The following CCDC3 variants were observed in gnomAD, a reference collection of about 807,000 sequenced individuals.
CCDC3 encodes coiled-coil domain containing 3.
A neutral mutation model predicts 21.4 loss-of-function variants in CCDC3; 24 were observed. The ratio of observed to expected loss-of-function variants is 1.12; its 90% CI spans 0.81 to 1.58. The LOEUF (loss-of-function observed/expected upper bound fraction) is 1.58. Ranked by LOEUF, CCDC3 falls within the 40% of genes most tolerant of loss-of-function variation. The pLI is 0.00. For missense variants in CCDC3, 425 were observed against 360.9 expected (o/e 1.18, Z -1.44); for synonymous variants, 186 against 166.0 (o/e 1.12, Z -0.93).
chr10:13,091,468 T>A (rs1832570193), intron 3 of CCDC3, among the ~76,000 whole-genome samples: 1 of 152,200 alleles, frequency 6.6e-6, no homozygotes, highest in Non-Finnish European at 1.5e-5. Flanking sequence ...ACACTGCCAG[T>A]GCCTTGATCT....
intron 3 of CCDC3, among the ~76,000 whole-genome samples, chr10:13,086,437 T>G (rs1837106545): frequency 6.6e-6 from 1 of 152,220 alleles, no homozygotes; most frequent in Admixed American, 6.5e-5. Flanking sequence ...TGAATAAAAC[T>G]CTGAATCCTC....
chr10:12,918,448 A>G (rs1296248037), intron 2 of CCDC3, among the ~76,000 whole-genome samples: 1 of 152,226 alleles, frequency 6.6e-6, no homozygotes, highest in Non-Finnish European at 1.5e-5. Flanking sequence ...TTCTATGCCC[A>G]TTATTTTTCC....
chr10:13,038,139 T>C (rs185523551), intron 5 of CCDC3, among the ~76,000 whole-genome samples: 1 of 152,018 alleles, frequency 6.6e-6, no homozygotes, highest in East Asian at 1.9e-4. Context: ...TTCTCACTTA[T>C]AAATAGAGCT....
At chr10:12,901,010 G>A (rs561749874) in intron 2 of CCDC3, among the ~76,000 whole-genome samples, 1 of 152,260 alleles carries the variant, frequency 6.6e-6, no homozygotes, top group East Asian at 1.9e-4. Context: ...ACTGCCCAAG[G>A]TCACGCCCCC....
At chr10:12,940,052 T>C (rs2131237003) in intron 2 of CCDC3, among the ~76,000 whole-genome samples, 1 of 152,326 alleles carries the variant, frequency 6.6e-6, no homozygotes, top group East Asian at 1.9e-4. Context: ...TGTGTTAATA[T>C]ATCTGACCTA....
intron 2 of CCDC3, among the ~76,000 whole-genome samples, chr10:12,986,787 AAAAAAC>A (rs1370289568): frequency 1.3e-5 from 2 of 151,710 alleles, no homozygotes; most frequent in African/African-American, 2.4e-5. Context: ...AAAAAAAACA[AAAAAAC>A]AAAAACAAAA....
In CCDC3 at chr10:12,982,150, A is replaced by T. The variant is rs567004406; in HGVS notation, c.549+16188T>A. Among the ~76,000 whole-genome samples, 1,141 of 146,122 alleles carry T rather than the reference A, an allele frequency of 7.8e-3. 15 individuals are homozygous for T. The highest frequency in any genetic ancestry group is 0.014 in the Middle Eastern group (4 of 282). ...AAAAAAAAAAAAAAAAAAAAAAAAA[A>T]AGTGAGCTACCACCAATCAAAATCA... On this transcript the variant is annotated intron_variant, in intron 2 of 2. Transcript: ENST00000378825.
intron 2 of CCDC3, among the ~76,000 whole-genome samples, chr10:12,944,008 C>T (rs1351999680): frequency 3.3e-5 from 5 of 152,186 alleles, no homozygotes; most frequent in East Asian, 1.9e-4. Flanking sequence ...GACATACAAC[C>T]GACCAGTGTT....
At chr10:12,999,103 G>A (rs771325312) in intron 1 of CCDC3, among the ~76,000 whole-genome samples, 8 of 152,110 alleles carry the variant, frequency 5.3e-5, no homozygotes, top group East Asian at 3.9e-4. Flanking sequence ...AGCTGGGCAC[G>A]GTGGCACACA....
At chr10:13,032,994 T>C (rs1230473603) in intron 5 of CCDC3, among the ~76,000 whole-genome samples, 4 of 152,180 alleles carry the variant, frequency 2.6e-5, no homozygotes, top group African/African-American at 4.8e-5. Context: ...AAAACTACTT[T>C]AAAGTTCATA....
At chr10:12,921,975 C>T (rs1394172664) in intron 2 of CCDC3, among the ~76,000 whole-genome samples, 1 of 152,216 alleles carries the variant, frequency 6.6e-6, no homozygotes, top group Non-Finnish European at 1.5e-5. Context: ...CTCAACTCTC[C>T]TACTTCAGCC....
chr10:12,948,796 A>G (rs1834964684), intron 2 of CCDC3, among the ~76,000 whole-genome samples: 1 of 123,674 alleles, frequency 8.1e-6, no homozygotes, highest in Non-Finnish European at 1.6e-5. Flanking sequence ...GCAGTGGCCT[A>G]TCTCGGCTCA....
intron 4 of CCDC3, among the ~76,000 whole-genome samples, chr10:13,051,800 G>C (rs1438566495): frequency 6.6e-6 from 1 of 152,116 alleles, no homozygotes; most frequent in Non-Finnish European, 1.5e-5. Flanking sequence ...CATGGAGGGT[G>C]GTGGGAGCAT....
intron 2 of CCDC3, among the ~76,000 whole-genome samples, chr10:12,982,235 G>C (rs970624539): frequency 3.4e-5 from 5 of 149,238 alleles, no homozygotes; most frequent in African/African-American, 2.5e-5. Context: ...TAAGTGAAAT[G>C]AGCCAGTCAT....
intron 2 of CCDC3, among the ~76,000 whole-genome samples, chr10:12,925,453 C>T (rs1333441165): frequency 6.6e-6 from 1 of 152,240 alleles, no homozygotes; most frequent in Admixed American, 6.5e-5. Context: ...AGTAACCTCT[C>T]CCCCAGCGAA....
chr10:12,909,616 G>T (rs563072154), intron 2 of CCDC3, among the ~76,000 whole-genome samples: 1 of 152,310 alleles, frequency 6.6e-6, no homozygotes, highest in Non-Finnish European at 1.5e-5. Context: ...GTGCCGGAAG[G>T]GCTCTGAAGT....
intron 2 of CCDC3, among the ~76,000 whole-genome samples, chr10:12,952,608 C>G (rs1330294967): frequency 6.6e-6 from 1 of 152,188 alleles, no homozygotes; most frequent in Admixed American, 6.5e-5. Flanking sequence ...CCATTTTGAA[C>G]TTCATCCTTT....
At chr10:13,071,686 G>A (rs924191929) in intron 4 of CCDC3, among the ~76,000 whole-genome samples, 15 of 152,148 alleles carry the variant, frequency 9.9e-5, no homozygotes, top group Admixed American at 4.6e-4. Context: ...AAAGAAAGAG[G>A]AACGCCTCAC....
chr10:12,901,509 G>A (rs1834091316), intron 2 of CCDC3, among the ~76,000 whole-genome samples: 6 of 152,048 alleles, frequency 3.9e-5, no homozygotes, highest in Admixed American at 3.3e-4. Flanking sequence ...TCCTGACCTC[G>A]TGATCTGCCC....
Sources: gnomAD v4.1 joint callset for allele counts (sites outside exome capture counted in the v4.1 genomes callset) on GRCh38, gnomAD v4.1.1 for gene constraint, MANE v1.5 for transcripts, NCBI Gene and HGNC (gene_info 2026-07-23, HGNC 2026-07-21) for gene names.